Variants in NIBAN1 observed in about 807,000 individuals in gnomAD.
NIBAN1 encodes protein Niban 1.
Under a neutral mutation model 75.1 loss-of-function variants are expected in NIBAN1, and 81 were observed. The observed-to-expected ratio is 1.08, with a 90% confidence interval of 0.90 to 1.30. The LOEUF (loss-of-function observed/expected upper bound fraction) is 1.30, where lower values mean the gene tolerates loss of function less well. NIBAN1 is among the 50% of genes most tolerant of loss of function. The pLI, the probability that NIBAN1 is intolerant of heterozygous loss-of-function variation, is 0.00. For missense variants in NIBAN1, 1,133 were observed against 1,128.1 expected (o/e 1.00, Z -0.06); for synonymous variants, 436 against 424.8 (o/e 1.03, Z -0.32).
intron 2 of NIBAN1, 101 bp from the exon 3 acceptor site, chr1:184,894,307 T>TTC: frequency 1.6e-6 from 2 of 1,281,600 alleles, no homozygotes; most frequent in Non-Finnish European, 2.1e-6. Flanking sequence ...TAGGAAACTA[T>TTC]CTTCCACTGA....
chr1:184,860,010 G>A (rs1655774978), intron 5 of NIBAN1, among the ~76,000 whole-genome samples: 1 of 152,196 alleles, frequency 6.6e-6, no homozygotes, highest in South Asian at 2.1e-4. Context: ...ACTGTGGGGA[G>A]GCATTGGGAA....
rs557262305 is a variant in NIBAN1 at position 184,931,252 on chromosome 1, G to A, written c.56-31943C>T. 6.6e-5 allele frequency among the ~76,000 whole-genome samples: 10 copies of A among 152,020 alleles called. No homozygotes were observed. The East Asian group carries it at 1.4e-3, about 21-fold the overall frequency. ...TGACCTCAGGTGATCCACCCACCTC[G>A]GCCTCCCAAAGTGCTGGGATTACAG... is the stretch of plus-strand genomic sequence containing the variant. On this transcript the variant is annotated intron_variant, in intron 1 of 13. Transcript: ENST00000367511.
chr1:184,915,554 T>G lies in NIBAN1; in HGVS notation c.56-16245A>C, dbSNP rs77443712. 6.2e-3 allele frequency among the ~76,000 whole-genome samples: 943 copies of G among 152,292 alleles called. 6 individuals carry two copies. The highest frequency in any genetic ancestry group is 0.02 in the South Asian group (96 of 4,822). Reference sequence around the variant, plus strand: ...AATGCTGAGGGCACTTGATCAGTTTTCCTTTGTTTTGTTGTGATGGAGAGG... The same window carrying G: ...AATGCTGAGGGCACTTGATCAGTTTGCCTTTGTTTTGTTGTGATGGAGAGG... On this transcript the variant is annotated intron_variant, in intron 1 of 13. Transcript: ENST00000367511.
intron 10 of NIBAN1, 75 bp from the exon 11 acceptor site, chr1:184,806,131 G>A (rs1557871060): frequency 1.7e-6 from 2 of 1,199,784 alleles, no homozygotes; most frequent in Non-Finnish European, 2.4e-6. Context: ...TGGCTAAGTG[G>A]GACTGCAGAG....
intron 1 of NIBAN1, among the ~76,000 whole-genome samples, chr1:184,925,682 C>T (rs1368376388): frequency 6.6e-6 from 1 of 151,200 alleles, no homozygotes; most frequent in African/African-American, 2.4e-5. Flanking sequence ...AACAAATAAG[C>T]AAAGAGAAAA....
At chr1:184,886,541 C>T (rs1267629439) in intron 4 of NIBAN1, among the ~76,000 whole-genome samples, 2 of 152,164 alleles carry the variant, frequency 1.3e-5, no homozygotes, top group African/African-American at 2.4e-5. Flanking sequence ...AAATCAATTC[C>T]AAGCAACTCA....
At chr1:184,907,202 G>T (rs531033624) in intron 1 of NIBAN1, among the ~76,000 whole-genome samples, 7 of 128,898 alleles carry the variant, frequency 5.4e-5, no homozygotes, top group Non-Finnish European at 1.1e-4. Context: ...TTTAGCTTTG[G>T]TTTTTCCTAT....
intron 1 of NIBAN1, among the ~76,000 whole-genome samples, chr1:184,962,144 G>T (rs1394553832): frequency 1.3e-5 from 2 of 152,170 alleles, no homozygotes; most frequent in Non-Finnish European, 2.9e-5. Context: ...TGAGAAAAGA[G>T]AATAGAATAT....
At position 184,793,182 on chromosome 1, in the gene NIBAN1, C is replaced by G. The variant is rs1422850513; in HGVS notation, c.*1795G>C. On this transcript the variant is annotated 3_prime_UTR_variant, in exon 14 of 14. Transcript: ENST00000367511. The stretch of plus-strand genomic sequence containing the variant: ...TTAAATGGTTGAACTGTGTGTGAAG[C>G]AAATGCTCTAAAGAACTGACATAAA... The G allele has an allele frequency of 6.6e-6, 1 of 152,164 alleles. No homozygotes were observed. The highest frequency in any genetic ancestry group is 2.4e-5 in the African/African-American group (1 of 41,434). 9.4% of individuals were successfully genotyped at this position (152,164 alleles called of 1,614,324 possible). A position where few individuals can be genotyped will look rare whatever the true frequency, so the allele number is the denominator to read the frequency against.
chr1:184,949,766 A>G (rs1658315900), intron 1 of NIBAN1, among the ~76,000 whole-genome samples: 1 of 152,232 alleles, frequency 6.6e-6, no homozygotes, highest in Admixed American at 6.5e-5. Context: ...CTGAACTAGG[A>G]TTATGCTAAG....
At chr1:184,867,858 C>T in intron 5 of NIBAN1, 1 of 985,366 alleles carries the variant, frequency 1.0e-6, no homozygotes, top group African/African-American at 1.7e-5. Flanking sequence ...CACAGTAGAC[C>T]CTTACCTTAA....
In NIBAN1 at chr1:184,793,238, C is replaced by T. The variant is rs1286626344; in HGVS notation, c.*1739G>A. On this transcript the variant is annotated 3_prime_UTR_variant, in exon 14 of 14. Transcript: ENST00000367511. ...TCGATAGTGATGATCTAAACAAGTT[C>T]TCAACAAATATGTTGAGATCTGATG... 1 of 152,100 alleles carries T rather than the reference C, an allele frequency of 6.6e-6. No individual in the cohort carries two copies. Among genetic ancestry groups the T allele is most frequent in the Admixed American group, 6.5e-5 (1 of 15,276 alleles). 9.4% of individuals were successfully genotyped at this position (152,100 alleles called of 1,614,324 possible).
At chr1:184,823,414 A>G in intron 7 of NIBAN1, 85 bp from the exon 8 acceptor site, 1 of 1,512,370 alleles carries the variant, frequency 6.6e-7, no homozygotes, top group East Asian at 2.3e-5. Context: ...CCTTCATCAC[A>G]GGCCATCATA....
rs554412477 is a variant in NIBAN1 at position 184,836,423 on chromosome 1, T to C, written c.602-4461A>G. 5.6e-4 allele frequency among the ~76,000 whole-genome samples: 85 copies of C among 152,332 alleles called. 1 individual carries two copies. The highest frequency in any genetic ancestry group is 2.0e-3 in the African/African-American group (83 of 41,578). Reference sequence around the variant, plus strand: ...TTATAAGAAGCATAAATTTACATATTTCCTCCTCTACTGACCTCAGTAACT... The same window carrying C: ...TTATAAGAAGCATAAATTTACATATCTCCTCCTCTACTGACCTCAGTAACT... On this transcript the variant is annotated intron_variant, in intron 5 of 13. Transcript: ENST00000367511.
At chr1:184,838,977 T>A (rs1420729872) in intron 5 of NIBAN1, among the ~76,000 whole-genome samples, 8 of 152,308 alleles carry the variant, frequency 5.3e-5, no homozygotes, top group Admixed American at 3.9e-4. Context: ...TCAGATGTCA[T>A]CTTTCCTATG....
At position 184,845,748 on chromosome 1, in the gene NIBAN1, C is replaced by A. The variant is rs1314312870; in HGVS notation, c.602-13786G>T. ...TCACTAGGGAGTGCCAGACAGTGGG[C>A]GCAGGCCAGTGTGTGTGCGCACCGT... is the stretch of plus-strand genomic sequence containing the variant. On this transcript the variant is annotated intron_variant, in intron 5 of 13. Transcript: ENST00000367511. 2.3e-5 allele frequency among the ~76,000 whole-genome samples: 2 copies of A among 87,402 alleles called. 1 individual carries two copies. Among genetic ancestry groups the A allele is most frequent in the African/African-American group, 1.1e-4 (2 of 18,464 alleles). 57.3% of individuals were successfully genotyped at this position (87,402 alleles called of 152,430 possible). A position where few individuals can be genotyped will look rare whatever the true frequency, so the allele number is the denominator to read the frequency against.
chr1:184,913,056 T>A (rs1198943820), intron 1 of NIBAN1, among the ~76,000 whole-genome samples: 2 of 151,636 alleles, frequency 1.3e-5, no homozygotes, highest in Admixed American at 1.3e-4. Context: ...CCCCTATCGA[T>A]GGATACTTGG....
chr1:184,802,482 T>C (rs1302646347), intron 12 of NIBAN1, among the ~76,000 whole-genome samples: 3 of 152,220 alleles, frequency 2.0e-5, no homozygotes, highest in South Asian at 2.1e-4. Flanking sequence ...TGTTCTGCCA[T>C]GTAAGGCCAA....
intron 1 of NIBAN1, among the ~76,000 whole-genome samples, chr1:184,966,480 C>T (rs748535355): frequency 2.2e-4 from 33 of 152,316 alleles, no homozygotes; most frequent in Admixed American, 3.9e-4. Context: ...AACCACCCAG[C>T]CTGGACCCAG....
Sources: gnomAD v4.1 joint callset for allele counts (sites outside exome capture counted in the v4.1 genomes callset) on GRCh38, gnomAD v4.1.1 for gene constraint, MANE v1.5 for transcripts, NCBI Gene and HGNC (gene_info 2026-07-23, HGNC 2026-07-21) for gene names.